The following SESTD1 variants were observed in gnomAD, a reference collection of about 807,000 sequenced individuals.
SESTD1 encodes SEC14 and spectrin domain containing 1.
In SESTD1, 43 loss-of-function variants were observed where a neutral mutation model predicts 101.7. The ratio of observed to expected loss-of-function variants is 0.42; its 90% CI spans 0.33 to 0.55. The LOEUF (loss-of-function observed/expected upper bound fraction) is 0.55, where lower values mean the gene tolerates loss of function less well. SESTD1 is among the 20% of genes least tolerant of loss of function. The pLI is 0.07. For synonymous variants in SESTD1, 283 were observed against 286.8 expected (o/e 0.99, Z 0.13); for missense variants, 647 against 815.1 (o/e 0.79, Z 2.51).
chr2:179,228,052 C>T (rs1245046548), intron 1 of SESTD1, among the ~76,000 whole-genome samples: 9 of 152,180 alleles, frequency 5.9e-5, no homozygotes, highest in Admixed American at 5.9e-4. Context: ...CCTTCCTGAA[C>T]AGCCTCCTTA....
chr2:179,207,276 A>G lies in SESTD1; in HGVS notation c.-25-15410T>C, dbSNP rs1386969917. ...AGTGCCACCTCCTGGCTGGACGCCA[A>G]CCAAGTCAAGCCATTACAGTAACTC... On this transcript the variant is annotated intron_variant, in intron 1 of 17. Coordinates refer to ENST00000428443, the MANE Select transcript of SESTD1 (RefSeq NM_178123.5). Among the ~76,000 whole-genome samples the G allele has an allele frequency of 1.5e-5, 2 of 135,156 alleles. 1 individual carries two copies. The highest frequency in any genetic ancestry group is 5.9e-5 in the African/African-American group (2 of 34,150). 88.7% of individuals were successfully genotyped at this position (135,156 alleles called of 152,430 possible).
chr2:179,229,244 T>A (rs2046938826), intron 1 of SESTD1, among the ~76,000 whole-genome samples: 1 of 152,192 alleles, frequency 6.6e-6, no homozygotes. Flanking sequence ...GTAAAGCCAT[T>A]ACTTTCCCCA....
Position 179,124,787 on chromosome 2 carries a change from C to T in SESTD1, c.973-229G>A, listed in dbSNP as rs1305403793. 2.0e-5 allele frequency among the ~76,000 whole-genome samples: 3 copies of T among 152,254 alleles called. 1 individual carries two copies. In the Middle Eastern group the frequency reaches 0.01, roughly 518 times the overall value. ...GCTCTAAGTGAAACCTGTCCGCCCT[C>T]AGTCACCCCTGCAGCCTTCTCAACT... is the stretch of plus-strand genomic sequence containing the variant. On this transcript the variant is annotated intron_variant, in intron 10 of 17. Transcript: ENST00000428443.
At chr2:179,170,241 C>T (rs1447809145) in intron 5 of SESTD1, among the ~76,000 whole-genome samples, 1 of 150,152 alleles carries the variant, frequency 6.7e-6, no homozygotes, top group Non-Finnish European at 1.5e-5. Context: ...AAGAGGACTT[C>T]ATCATAGTTA....
At position 179,230,778 on chromosome 2, in the gene SESTD1, C is replaced by A. The variant is rs527483394; in HGVS notation, c.-26+33721G>T. 6.7e-5 allele frequency among the ~76,000 whole-genome samples: 10 copies of A among 150,140 alleles called. No individual in the cohort carries two copies. The East Asian group carries it at 1.9e-3, about 29-fold the overall frequency. Reference sequence around the variant, plus strand: ...AGAATTAATATTTAAAACTATAATCCAAAAAAAAATTTGCAGAAACAAAAA... The same window carrying A: ...AGAATTAATATTTAAAACTATAATCAAAAAAAAAATTTGCAGAAACAAAAA... On this transcript the variant is annotated intron_variant, in intron 1 of 17. Coordinates refer to ENST00000428443, the MANE Select transcript of SESTD1 (RefSeq NM_178123.5).
intron 4 of SESTD1, 41 bp from the exon 5 acceptor site, chr2:179,172,274 A>ATTATTCATTTTAC: frequency 1.5e-6 from 2 of 1,303,658 alleles, no homozygotes; most frequent in Non-Finnish European, 2.2e-6. Context: ...ACACATGTAA[A>ATTATTCATTTTAC]ATGAATAATT....
chr2:179,128,330 A>G (rs1232357830), intron 10 of SESTD1, among the ~76,000 whole-genome samples: 1 of 152,206 alleles, frequency 6.6e-6, no homozygotes, highest in Non-Finnish European at 1.5e-5. Flanking sequence ...TTACCGATTG[A>G]GGTTGCCATA....
At chr2:179,208,204 C>T (rs1351453953) in intron 1 of SESTD1, among the ~76,000 whole-genome samples, 1 of 134,234 alleles carries the variant, frequency 7.4e-6, no homozygotes, top group East Asian at 2.0e-4. Context: ...ATGAACAAGC[C>T]TCAAAGGAAT....
chr2:179,146,965 C>T (rs1249725916), intron 7 of SESTD1, among the ~76,000 whole-genome samples: 1 of 151,092 alleles, frequency 6.6e-6, no homozygotes, highest in Non-Finnish European at 1.5e-5. Context: ...ACTCTCTTCC[C>T]TAATCATACT....
intron 5 of SESTD1, among the ~76,000 whole-genome samples, chr2:179,161,187 G>A (rs1229616463): frequency 1.3e-5 from 2 of 151,058 alleles, no homozygotes; most frequent in African/African-American, 4.9e-5. Context: ...CTCCCAAAGT[G>A]TTGGGATTAC....
At chr2:179,235,251 T>C (rs150938770) in intron 1 of SESTD1, among the ~76,000 whole-genome samples, 14 of 152,272 alleles carry the variant, frequency 9.2e-5, no homozygotes. Context: ...GGGACATAAG[T>C]ATTTAGGGGC....
At chr2:179,241,590 C>CG in intron 1 of SESTD1, among the ~76,000 whole-genome samples, 1 of 151,184 alleles carries the variant, frequency 6.6e-6, no homozygotes, top group East Asian at 2.0e-4. Context: ...GCCAGTTCAA[C>CG]ACCAGTCTTG....
rs544352120 is a variant in SESTD1 at position 179,117,887 on chromosome 2, T to C, written c.1443-274A>G. ...ATATTAAAGCAAAATGTAAGGACAA[T>C]AGTACACTAAAACCCAAAAAAAATC... is the stretch of plus-strand genomic sequence containing the variant. On this transcript the variant is annotated intron_variant, in intron 13 of 17. Transcript: ENST00000428443. Among the ~76,000 whole-genome samples, 4 of 152,216 alleles carry C rather than the reference T, an allele frequency of 2.6e-5. No homozygotes were observed. In the East Asian group the frequency reaches 7.7e-4, roughly 29 times the overall value.
intron 1 of SESTD1, among the ~76,000 whole-genome samples, chr2:179,239,644 C>T (rs887944049): frequency 6.6e-6 from 1 of 152,152 alleles, no homozygotes; most frequent in Non-Finnish European, 1.5e-5. Flanking sequence ...CAGAGCCCCC[C>T]AGGTAAACAA....
Position 179,255,423 on chromosome 2 carries a change from T to A in SESTD1, c.-26+9076A>T, listed in dbSNP as rs538500190. ...GAAAGTGAAACAGCCACATTGTTAA[T>A]ATGGAGAAAGGTCCAGTGGTCTGGA... On this transcript the variant is annotated intron_variant, in intron 1 of 17. Coordinates refer to ENST00000428443, the MANE Select transcript of SESTD1 (RefSeq NM_178123.5). Among the ~76,000 whole-genome samples, 209 of 152,316 alleles carry A rather than the reference T, an allele frequency of 1.4e-3. 1 individual carries two copies. The highest frequency in any genetic ancestry group is 4.7e-3 in the African/African-American group (196 of 41,582).
intron 1 of SESTD1, among the ~76,000 whole-genome samples, chr2:179,260,873 GTATT>G (rs2047472746): frequency 6.6e-6 from 1 of 152,106 alleles, no homozygotes; most frequent in African/African-American, 2.4e-5. Context: ...ATGGAAATGT[GTATT>G]TATAGATAAA....
At chr2:179,190,642 A>G (rs2105495773) in intron 2 of SESTD1, among the ~76,000 whole-genome samples, 1 of 152,334 alleles carries the variant, frequency 6.6e-6, no homozygotes, top group Middle Eastern at 3.4e-3. Context: ...TGCCTCCAAC[A>G]AAGGCCTAAT....
chr2:179,143,897 C>CCTAT, intron 8 of SESTD1, 94 bp from the exon 9 acceptor site: 1 of 1,267,054 alleles, frequency 7.9e-7, no homozygotes, highest in South Asian at 1.5e-5. Context: ...GTTTTTAAAA[C>CCTAT]CTATCTACCT....
At chr2:179,228,577 C>G (rs2046926238) in intron 1 of SESTD1, among the ~76,000 whole-genome samples, 1 of 152,082 alleles carries the variant, frequency 6.6e-6, no homozygotes. Context: ...CTAACCCAGG[C>G]CGTTGGCATT....
Sources: allele counts gnomAD v4.1 joint callset (sites outside exome capture counted in the v4.1 genomes callset), GRCh38; gene constraint gnomAD v4.1.1; transcripts MANE v1.5; gene names NCBI Gene and HGNC (gene_info 2026-07-23, HGNC 2026-07-21).